ORC5: variants seen among roughly 807,000 people sequenced by gnomAD.
ORC5 encodes the protein origin recognition complex subunit 5, also known as protein phosphatase 1, regulatory subunit 117.
ORC5 carries 39 observed loss-of-function variants against 58.8 expected under a neutral mutation model. The ratio of observed to expected loss-of-function variants is 0.66; its 90% CI spans 0.51 to 0.87. The LOEUF (loss-of-function observed/expected upper bound fraction) is 0.87. ORC5 is among the 40% of genes least tolerant of loss of function. ORC5 has a pLI of 0.00. For missense variants in ORC5, 493 were observed against 506.3 expected (o/e 0.97, Z 0.25); for synonymous variants, 218 against 177.6 (o/e 1.23, Z -1.81).
intron 3 of ORC5, among the ~76,000 whole-genome samples, chr7:104,198,988 A>G (rs550427224): frequency 2.5e-4 from 38 of 152,348 alleles, no homozygotes; most frequent in African/African-American, 7.0e-4. Context: ...GGCGGCTTAC[A>G]TGTGGGGCCT....
In ORC5 at chr7:104,196,711, C is replaced by T. The variant is rs193208489; in HGVS notation, c.441+1014G>A. ...TATAATATTACTTAATACTTTAATA[C>T]ATACAAACATAAAATTAGGTAGGTA... On this transcript the variant is annotated intron_variant, in intron 4 of 13. Transcript: ENST00000297431. Among the ~76,000 whole-genome samples, 518 of 152,218 alleles carry T rather than the reference C, an allele frequency of 3.4e-3. 2 individuals carry two copies. Among genetic ancestry groups the T allele is most frequent in the Non-Finnish European group, 5.1e-3 (345 of 68,000 alleles).
chr7:104,199,467 T>A (rs1799881062), intron 3 of ORC5, among the ~76,000 whole-genome samples: 1 of 152,228 alleles, frequency 6.6e-6, no homozygotes, highest in Non-Finnish European at 1.5e-5. Context: ...GGGCTGGATG[T>A]GAGGCATGGA....
intron 3 of ORC5, among the ~76,000 whole-genome samples, chr7:104,198,678 G>A (rs1230394844): frequency 6.6e-6 from 1 of 152,212 alleles, no homozygotes; most frequent in Non-Finnish European, 1.5e-5. Context: ...AGACCATGAG[G>A]TAGAAAAGAA....
intron 5 of ORC5, among the ~76,000 whole-genome samples, chr7:104,190,029 G>C (rs1305868355): frequency 6.6e-6 from 1 of 152,114 alleles, no homozygotes; most frequent in Non-Finnish European, 1.5e-5. Flanking sequence ...ACACCCATTT[G>C]ATATCTAGAA....
intron 8 of ORC5, among the ~76,000 whole-genome samples, chr7:104,175,881 C>G (rs1799312374): frequency 6.6e-6 from 1 of 152,090 alleles, no homozygotes; most frequent in African/African-American, 2.4e-5. Flanking sequence ...AGATTTTTTT[C>G]TTATATAATT....
At chr7:104,191,877 A>G (rs1304962750) in intron 5 of ORC5, among the ~76,000 whole-genome samples, 1 of 152,142 alleles carries the variant, frequency 6.6e-6, no homozygotes, top group Admixed American at 6.6e-5. Context: ...TACCTTGGAG[A>G]GAGACTTCTG....
chr7:104,207,947 G>A lies in ORC5; in HGVS notation c.-43C>T, dbSNP rs752342932. On this transcript the variant is annotated 5_prime_UTR_variant, in exon 1 of 14. Transcript: ENST00000297431. ...CAGAGGCCAGTGCAGCCAGCCCACA[G>A]GACCCTTGCACAAGACGGAGCCTCT... The A allele has an allele frequency of 3.1e-5, 49 of 1,579,416 alleles. 1 individual carries two copies. The highest frequency in any genetic ancestry group is 1.7e-4 in the Middle Eastern group (1 of 6,016).
At chr7:104,132,747 G>T (rs1019896253) in intron 13 of ORC5, among the ~76,000 whole-genome samples, 1 of 152,182 alleles carries the variant, frequency 6.6e-6, no homozygotes, top group Non-Finnish European at 1.5e-5. Flanking sequence ...AAAGAAAGAT[G>T]AACTCTAATT....
chr7:104,201,219 T>A (rs1317747578), intron 2 of ORC5, among the ~76,000 whole-genome samples: 1 of 152,094 alleles, frequency 6.6e-6, no homozygotes, highest in African/African-American at 2.4e-5. Flanking sequence ...TTTCCTTGAC[T>A]CCCACCATGA....
At position 104,203,411 on chromosome 7, in the gene ORC5, G is replaced by A. The variant is rs1018830003; in HGVS notation, c.165+731C>T. On this transcript the variant is annotated intron_variant, in intron 2 of 13. Transcript: ENST00000297431. ...CACAAGCACAAAATGTTAGTTATCCGGCCCTTAAGAAAAAGACTGCCCATC... is the reference window on the plus strand; with the variant it reads ...CACAAGCACAAAATGTTAGTTATCCAGCCCTTAAGAAAAAGACTGCCCATC... Among the ~76,000 whole-genome samples the A allele has an allele frequency of 5.3e-5, 8 of 152,228 alleles. No individual in the cohort carries two copies. In the South Asian group the frequency reaches 6.2e-4, roughly 12 times the overall value.
chr7:104,205,379 T>C (rs1303466948), intron 1 of ORC5, among the ~76,000 whole-genome samples: 1 of 152,156 alleles, frequency 6.6e-6, no homozygotes, highest in African/African-American at 2.4e-5. Flanking sequence ...TGAGCCACTG[T>C]GCCTGGCCTA....
chr7:104,201,741 C>T (rs1584527321), intron 2 of ORC5, among the ~76,000 whole-genome samples: 1 of 147,382 alleles, frequency 6.8e-6, no homozygotes, highest in East Asian at 2.0e-4. Flanking sequence ...TTTACTAAGT[C>T]AAAAAAAAAA....
chr7:104,192,744 A>G (rs1229613486), intron 5 of ORC5, among the ~76,000 whole-genome samples: 2 of 152,072 alleles, frequency 1.3e-5, no homozygotes, highest in African/African-American at 4.8e-5. Context: ...TACACAAGAA[A>G]ATTAAAACAA....
At chr7:104,204,090 C>T in intron 2 of ORC5, 52 bp downstream of exon 2, 1 of 935,050 alleles carries the variant, frequency 1.1e-6, no homozygotes, top group Non-Finnish European at 1.6e-6. Flanking sequence ...TTATCAGTAC[C>T]AATATTATAC....
chr7:104,191,599 T>C (rs1799678332), intron 5 of ORC5, among the ~76,000 whole-genome samples: 1 of 150,714 alleles, frequency 6.6e-6, no homozygotes, highest in Non-Finnish European at 1.5e-5. Flanking sequence ...GAATCCTCAC[T>C]GTGTTGCTGT....
At chr7:104,186,835 T>C (rs758570093) in intron 6 of ORC5, among the ~76,000 whole-genome samples, 11 of 152,246 alleles carry the variant, frequency 7.2e-5, no homozygotes, top group Non-Finnish European at 1.0e-4. Context: ...TTACCAATAG[T>C]AGTATAAGAC....
Position 104,136,706 on chromosome 7 carries a change from T to C in ORC5, c.1262+75A>G, listed in dbSNP as rs1443618713. 4.3e-6 allele frequency: 4 copies of C among 923,394 alleles called. No homozygotes were observed. Among genetic ancestry groups the C allele is most frequent in the African/African-American group, 3.3e-5 (2 of 60,814 alleles). The allele number at this position is 923,394 out of a possible 1,614,324, so 57.2% of individuals were successfully genotyped here. A position where few individuals can be genotyped will look rare whatever the true frequency, so the allele number is the denominator to read the frequency against. On this transcript the variant is annotated intron_variant, in intron 13 of 13. Coordinates refer to ENST00000297431, the MANE Select transcript of ORC5 (RefSeq NM_002553.4). This position sits in a 1 kb window ranked among gnomAD's most constrained non-coding sequence, Gnocchi z 4.2. Reference sequence around the variant, plus strand: ...ATGATTTTTTCATGTTTAAATGTCATGACTAATGACATCACATTTGGAAAA... The same window carrying C: ...ATGATTTTTTCATGTTTAAATGTCACGACTAATGACATCACATTTGGAAAA...
At chr7:104,168,784 C>T (rs1266361233) in intron 8 of ORC5, among the ~76,000 whole-genome samples, 1 of 152,030 alleles carries the variant, frequency 6.6e-6, no homozygotes, top group African/African-American at 2.4e-5. Flanking sequence ...TTGTAGCTAT[C>T]AAAAAACTTC....
At chr7:104,139,690 A>C (rs527309833) in intron 12 of ORC5, among the ~76,000 whole-genome samples, 1 of 152,222 alleles carries the variant, frequency 6.6e-6, no homozygotes, top group African/African-American at 2.4e-5. Context: ...ATTCAGTATC[A>C]ATAATTAGGT....
Sources: allele counts gnomAD v4.1 joint callset (sites outside exome capture counted in the v4.1 genomes callset), GRCh38; gene constraint gnomAD v4.1.1; non-coding constraint Gnocchi (gnomAD v3.1); transcripts MANE v1.5; gene names NCBI Gene and HGNC (gene_info 2026-07-23, HGNC 2026-07-21).